The following IL1RAP variants were observed in gnomAD, a reference collection of about 807,000 sequenced individuals.
IL1RAP encodes the protein interleukin-1 receptor accessory protein.
IL1RAP carries 35 observed loss-of-function variants against 60.7 expected under a neutral mutation model. That is an observed-to-expected ratio of 0.58 (90% CI 0.44 to 0.76). IL1RAP has a LOEUF of 0.76. Ranked by LOEUF, IL1RAP falls within the 30% of genes least tolerant of loss-of-function variation. The pLI, the probability that IL1RAP is intolerant of heterozygous loss-of-function variation, is 0.00. For missense variants in IL1RAP, 572 were observed against 693.9 expected (o/e 0.82, Z 1.97); for synonymous variants, 268 against 250.9 (o/e 1.07, Z -0.64).
intron 9 of IL1RAP, among the ~76,000 whole-genome samples, chr3:190,639,557 G>A (rs992813219): frequency 6.6e-5 from 10 of 151,896 alleles, no homozygotes. Flanking sequence ...CTCATTTTTA[G>A]GTGTTTATCT....
intron 1 of IL1RAP, among the ~76,000 whole-genome samples, chr3:190,543,847 A>G (rs1215093119): frequency 1.3e-5 from 2 of 152,206 alleles, no homozygotes; most frequent in Non-Finnish European, 2.9e-5. Context: ...AAGTAGCACT[A>G]GGATATGATG....
chr3:190,644,155 A>C, intron 9 of IL1RAP, 93 bp from the exon 10 acceptor site: 3 of 1,501,958 alleles, frequency 2.0e-6, no homozygotes, highest in Admixed American at 2.3e-5. Context: ...GTGCATAGCT[A>C]AGCTGCTTGG....
chr3:190,601,676 C>A (rs1729872207), intron 3 of IL1RAP, among the ~76,000 whole-genome samples: 1 of 152,158 alleles, frequency 6.6e-6, no homozygotes, highest in East Asian at 1.9e-4. Flanking sequence ...TTTAAATGAC[C>A]AAACTTCATT....
chr3:190,542,134 A>T (rs1269857788), intron 1 of IL1RAP, among the ~76,000 whole-genome samples: 1 of 152,140 alleles, frequency 6.6e-6, no homozygotes, highest in Non-Finnish European at 1.5e-5. Context: ...ACTATTGTAG[A>T]TTTGGCATTT....
intron 1 of IL1RAP, among the ~76,000 whole-genome samples, chr3:190,535,345 A>G (rs1457562469): frequency 6.6e-6 from 1 of 152,202 alleles, no homozygotes; most frequent in Non-Finnish European, 1.5e-5. Flanking sequence ...GTTGATTCAA[A>G]ACAATAGAGT....
At chr3:190,616,421 GT>G (rs201121490) in intron 5 of IL1RAP, among the ~76,000 whole-genome samples, 30 of 146,856 alleles carry the variant, frequency 2.0e-4, no homozygotes, top group African/African-American at 5.2e-4. Flanking sequence ...ACCATTTGTG[GT>G]TTTTTTTTTT....
chr3:190,627,842 A>G (rs929078543), intron 8 of IL1RAP, among the ~76,000 whole-genome samples: 3 of 152,194 alleles, frequency 2.0e-5, no homozygotes, highest in South Asian at 2.1e-4. Context: ...GTGGAAACCT[A>G]CAGTGTAGTT....
chr3:190,553,552 T>A (rs750401327), intron 1 of IL1RAP, among the ~76,000 whole-genome samples: 4 of 151,330 alleles, frequency 2.6e-5, no homozygotes, highest in Non-Finnish European at 2.9e-5. Flanking sequence ...CCAAGGGAGG[T>A]GAAGAGGCCA....
downstream of IL1RAP, among the ~76,000 whole-genome samples, chr3:190,654,520 C>T (rs1734542287): frequency 1.3e-5 from 2 of 152,296 alleles, no homozygotes; most frequent in South Asian, 4.1e-4. Flanking sequence ...TTTTGCACTC[C>T]TGCTTAAACC....
Position 190,648,841 on chromosome 3 carries a change from A to G in IL1RAP, c.*136A>G, listed in dbSNP as rs867900254. ...TCCCAATAGGGATAAATTTAGGGTGACTGTGTGGCTGACTATTCTGCTTCC... is the reference window on the plus strand; with the variant it reads ...TCCCAATAGGGATAAATTTAGGGTGGCTGTGTGGCTGACTATTCTGCTTCC... On this transcript the variant is annotated 3_prime_UTR_variant, in exon 12 of 12. Coordinates refer to ENST00000447382, the MANE Select transcript of IL1RAP (RefSeq NM_002182.4). 1 of 1,432,930 alleles carries G rather than the reference A, an allele frequency of 7.0e-7. No individual in the cohort carries two copies. Among genetic ancestry groups the G allele is most frequent in the African/African-American group, 1.4e-5 (1 of 69,672 alleles). The allele number at this position is 1,432,930 out of a possible 1,614,324, so 88.8% of individuals were successfully genotyped here.
In IL1RAP at chr3:190,571,777, A is replaced by G. The variant is rs1490968904; in HGVS notation, c.64+7424A>G. On this transcript the variant is annotated intron_variant, in intron 3 of 11. Transcript: ENST00000447382. Reference sequence around the variant, plus strand: ...TGGCCCGCGGGCCACATGAAGCCCAAAACGGCCTTGAATATGGCCCAACAC... The same window carrying G: ...TGGCCCGCGGGCCACATGAAGCCCAGAACGGCCTTGAATATGGCCCAACAC... 3.3e-5 allele frequency among the ~76,000 whole-genome samples: 5 copies of G among 152,178 alleles called. No individual in the cohort carries two copies. The South Asian group carries it at 8.3e-4, about 25-fold the overall frequency.
chr3:190,594,512 C>A (rs569274308), intron 3 of IL1RAP, among the ~76,000 whole-genome samples: 70 of 152,288 alleles, frequency 4.6e-4, no homozygotes, highest in African/African-American at 1.7e-3. Context: ...ACCATAGGAA[C>A]ATGCCAGTGT....
At chr3:190,542,473 T>C (rs1724020054) in intron 1 of IL1RAP, among the ~76,000 whole-genome samples, 1 of 152,190 alleles carries the variant, frequency 6.6e-6, no homozygotes. Context: ...AGAAGCACTG[T>C]GTATAGTGTC....
chr3:190,626,080 A>G (rs1732239851), intron 7 of IL1RAP, among the ~76,000 whole-genome samples: 1 of 152,178 alleles, frequency 6.6e-6, no homozygotes, highest in Admixed American at 6.5e-5. Context: ...AAACATAGCC[A>G]CTACCTATTA....
rs2108800389 is a variant in IL1RAP at position 190,623,268 on chromosome 3, A to G, written c.704-76A>G. The G allele has an allele frequency of 3.6e-6, 4 of 1,114,802 alleles. No individual in the cohort carries two copies. In the South Asian group the frequency reaches 3.7e-5, roughly 10 times the overall value. The allele number at this position is 1,114,802 out of a possible 1,614,324, so 69.1% of individuals were successfully genotyped here. A position where few individuals can be genotyped will look rare whatever the true frequency, so the allele number is the denominator to read the frequency against. On this transcript the variant is annotated intron_variant, in intron 6 of 11. Coordinates refer to ENST00000447382, the MANE Select transcript of IL1RAP (RefSeq NM_002182.4). Reference sequence around the variant, plus strand: ...AAACTATGCCAGGAAGTTAGGCAAGATTCAGAGAAGAGCAGAATTTTTAAT... The same window carrying G: ...AAACTATGCCAGGAAGTTAGGCAAGGTTCAGAGAAGAGCAGAATTTTTAAT...
At chr3:190,642,060 A>G (rs1256790612) in intron 9 of IL1RAP, 1 of 152,256 alleles carries the variant, frequency 6.6e-6, no homozygotes, top group East Asian at 1.9e-4. Context: ...TAATAAAATC[A>G]AAACTCTATG....
intron 2 of IL1RAP, among the ~76,000 whole-genome samples, chr3:190,558,432 C>G (rs910963082): frequency 2.0e-5 from 3 of 152,126 alleles, no homozygotes; most frequent in Non-Finnish European, 2.9e-5. Context: ...TTTGCATCCT[C>G]TTCATCACTT....
intron 3 of IL1RAP, among the ~76,000 whole-genome samples, chr3:190,594,881 A>G (rs1729249692): frequency 6.6e-6 from 1 of 152,206 alleles, no homozygotes; most frequent in African/African-American, 2.4e-5. Context: ...TTTCATTTTC[A>G]TAACTATTTT....
downstream of IL1RAP, among the ~76,000 whole-genome samples, chr3:190,653,582 A>G (rs12106852): frequency 0.048 from 7,341 of 152,178 alleles, 515 homozygotes; most frequent in African/African-American, 0.16. Context: ...AAAAATGACC[A>G]TCCTAGTTTT....
Sources: gnomAD v4.1 joint callset for allele counts (sites outside exome capture counted in the v4.1 genomes callset) on GRCh38, gnomAD v4.1.1 for gene constraint, MANE v1.5 for transcripts, NCBI Gene and HGNC (gene_info 2026-07-23, HGNC 2026-07-21) for gene names.